SULF1: variants seen among roughly 807,000 people sequenced by gnomAD.
SULF1 encodes sulfatase 1.
In SULF1, 46 loss-of-function variants were observed where a neutral mutation model predicts 110.5. That is an observed-to-expected ratio of 0.42 (90% CI 0.33 to 0.53). The LOEUF is 0.53. SULF1 is among the 20% of genes least tolerant of loss of function. SULF1 has a pLI of 0.12. For missense variants in SULF1, 941 were observed against 1,094.2 expected (o/e 0.86, Z 1.98); for synonymous variants, 371 against 387.1 (o/e 0.96, Z 0.49).
intron 3 of SULF1, among the ~76,000 whole-genome samples, chr8:69,526,425 T>G (rs1410207674): frequency 6.6e-6 from 1 of 152,050 alleles, no homozygotes; most frequent in Non-Finnish European, 1.5e-5. Context: ...TAGTCAATTT[T>G]TAAAAAATCT....
intron 3 of SULF1, among the ~76,000 whole-genome samples, chr8:69,505,738 A>G (rs1453923866): frequency 6.6e-6 from 1 of 152,136 alleles, no homozygotes; most frequent in Non-Finnish European, 1.5e-5. Flanking sequence ...ATAGAGACCT[A>G]TATTTGGGGG....
At chr8:69,504,675 A>G (rs2704037) in intron 3 of SULF1, among the ~76,000 whole-genome samples, 127,100 of 152,158 alleles carry the variant, frequency 0.84, 53,366 homozygotes, top group African/African-American at 0.92. Context: ...ACCTGGCTTC[A>G]ATCTACTTTT....
intron 14 of SULF1, 124 bp from the exon 15 acceptor site, chr8:69,623,818 C>T: frequency 8.7e-7 from 1 of 1,148,480 alleles, no homozygotes; most frequent in Non-Finnish European, 1.2e-6. Context: ...ACCACGATGC[C>T]ACTCAGCAAT....
At chr8:69,623,650 G>A (rs1809782415) in intron 14 of SULF1, among the ~76,000 whole-genome samples, 1 of 152,222 alleles carries the variant, frequency 6.6e-6, no homozygotes, top group Non-Finnish European at 1.5e-5. Context: ...AAGGATCCTA[G>A]AAATCACCTG....
chr8:69,594,531 A>C (rs1435520674), intron 8 of SULF1, among the ~76,000 whole-genome samples: 2 of 152,142 alleles, frequency 1.3e-5, no homozygotes, highest in Non-Finnish European at 1.5e-5. Context: ...TTTTGAATAA[A>C]CATAGGTTGT....
At chr8:69,593,771 T>C (rs1807080180) in intron 8 of SULF1, among the ~76,000 whole-genome samples, 1 of 152,198 alleles carries the variant, frequency 6.6e-6, no homozygotes, top group Admixed American at 6.5e-5. Flanking sequence ...ATAATAATCC[T>C]AGTATTAGAA....
At chr8:69,566,512 G>T (rs948817824) in intron 5 of SULF1, among the ~76,000 whole-genome samples, 1 of 152,128 alleles carries the variant, frequency 6.6e-6, no homozygotes, top group Non-Finnish European at 1.5e-5. Context: ...CTACATATTT[G>T]CCTTTAACTC....
intron 8 of SULF1, among the ~76,000 whole-genome samples, chr8:69,592,576 A>G (rs996077523): frequency 4.6e-5 from 7 of 151,882 alleles, no homozygotes; most frequent in Non-Finnish European, 1.0e-4. Context: ...ATCTCTGGAA[A>G]CCTCCACTGT....
At chr8:69,490,576 C>T (rs555149561), upstream of SULF1, among the ~76,000 whole-genome samples, 5 of 152,286 alleles carry the variant, frequency 3.3e-5, no homozygotes, top group South Asian at 1.0e-3. Context: ...CACATTCGTC[C>T]CCTTCCCACA....
intron 3 of SULF1, among the ~76,000 whole-genome samples, chr8:69,560,012 A>G (rs1002488678): frequency 1.3e-5 from 2 of 152,224 alleles, no homozygotes; most frequent in Admixed American, 6.5e-5. Context: ...ATGTCAGCGC[A>G]GTGAAGAAAG....
At chr8:69,581,428 T>C (rs1417985316) in intron 6 of SULF1, among the ~76,000 whole-genome samples, 4 of 152,222 alleles carry the variant, frequency 2.6e-5, no homozygotes, top group Non-Finnish European at 5.9e-5. Flanking sequence ...AGAAGTAGCA[T>C]GGCCTGAAGC....
At chr8:69,577,999 A>G (rs1458501885) in intron 6 of SULF1, among the ~76,000 whole-genome samples, 6 of 152,188 alleles carry the variant, frequency 3.9e-5, no homozygotes, top group Admixed American at 3.3e-4. Context: ...AGGACTAGCT[A>G]AAGTCAAGGC....
At chr8:69,483,716 G>C (rs1360565252) in intron 1 of SULF1, among the ~76,000 whole-genome samples, 3 of 152,086 alleles carry the variant, frequency 2.0e-5, no homozygotes, top group Non-Finnish European at 4.4e-5. Flanking sequence ...GTGAACCTTA[G>C]AGTTCCAGGC....
intron 1 of SULF1, among the ~76,000 whole-genome samples, chr8:69,470,619 C>T (rs966240694): frequency 6.6e-6 from 1 of 152,104 alleles, no homozygotes; most frequent in Non-Finnish European, 1.5e-5. Context: ...GCAACAGCCT[C>T]CTAAATGGTC....
chr8:69,594,556 C>G (rs1224021929), intron 8 of SULF1, among the ~76,000 whole-genome samples: 4 of 152,120 alleles, frequency 2.6e-5, no homozygotes, highest in Non-Finnish European at 5.9e-5. Flanking sequence ...GGAAAAACTC[C>G]CTCTGTGTAA....
intron 3 of SULF1, among the ~76,000 whole-genome samples, chr8:69,503,980 A>G (rs2150576613): frequency 6.6e-6 from 1 of 152,030 alleles, no homozygotes; most frequent in East Asian, 2.0e-4. Flanking sequence ...TTGTATTTTT[A>G]GTAGAGACAG....
rs1807020027 is a variant in SULF1 at position 69,592,948 on chromosome 8, T to C, written c.734+3807T>C. 1.5e-5 allele frequency: 15 copies of C among 987,410 alleles called. No homozygotes were observed. The South Asian group carries it at 4.7e-4, about 31-fold the overall frequency. 61.2% of individuals were successfully genotyped at this position (987,410 alleles called of 1,614,324 possible). ...AGACAGGGTAAGGACCAATCTGGAC[T>C]GTGTTATCTTTTCCAGGTGCAAGTA... On this transcript the variant is annotated intron_variant, in intron 8 of 22. Coordinates refer to ENST00000402687, the MANE Select transcript of SULF1 (RefSeq NM_001128205.2).
At chr8:69,560,875 G>C (rs533294185) in intron 3 of SULF1, among the ~76,000 whole-genome samples, 3 of 152,224 alleles carry the variant, frequency 2.0e-5, no homozygotes, top group Admixed American at 2.0e-4. Flanking sequence ...AGGTGAGATA[G>C]AGAGAGGACT....
intron 1 of SULF1, among the ~76,000 whole-genome samples, chr8:69,481,511 T>C (rs568131170): frequency 1.3e-5 from 2 of 152,278 alleles, no homozygotes; most frequent in East Asian, 1.9e-4. Flanking sequence ...GTGTGTTCCA[T>C]AGGTAAACGT....
Sources: gnomAD v4.1 joint callset for allele counts (sites outside exome capture counted in the v4.1 genomes callset) on GRCh38, gnomAD v4.1.1 for gene constraint, MANE v1.5 for transcripts, NCBI Gene and HGNC (gene_info 2026-07-23, HGNC 2026-07-21) for gene names.